Variants in STXBP5L observed in about 807,000 individuals in gnomAD.
STXBP5L encodes syntaxin-binding protein 5-like.
STXBP5L carries 65 observed loss-of-function variants against 144.5 expected under a neutral mutation model. The ratio of observed to expected loss-of-function variants is 0.45; its 90% CI spans 0.37 to 0.55. The LOEUF is 0.55. STXBP5L is among the 20% of genes least tolerant of loss of function. The pLI, the probability that STXBP5L is intolerant of heterozygous loss-of-function variation, is 0.00. For missense variants in STXBP5L, 1,298 were observed against 1,405.5 expected, an observed-to-expected ratio of 0.92 and a Z score of 1.22; for synonymous variants, 505 against 469.6, an observed-to-expected ratio of 1.08 and a Z score of -0.97.
At chr3:120,910,567 T>C (rs1708778217) in intron 2 of STXBP5L, among the ~76,000 whole-genome samples, 1 of 152,188 alleles carries the variant, frequency 6.6e-6, no homozygotes, top group Admixed American at 6.5e-5. Flanking sequence ...CAACAAAGGC[T>C]ACTAAGTTAT....
intron 19 of STXBP5L, among the ~76,000 whole-genome samples, chr3:121,295,504 TTAG>T (rs2051615149): frequency 6.6e-6 from 1 of 152,134 alleles, no homozygotes; most frequent in Non-Finnish European, 1.5e-5. Flanking sequence ...TGAATTGTAA[TTAG>T]TAGGAAAAAA....
chr3:120,929,391 GTGT>G (rs1709804827), intron 2 of STXBP5L, among the ~76,000 whole-genome samples: 1 of 152,050 alleles, frequency 6.6e-6, no homozygotes, highest in South Asian at 2.1e-4. Flanking sequence ...ATTTTGGTAT[GTGT>G]TATGGATCTT....
intron 2 of STXBP5L, among the ~76,000 whole-genome samples, chr3:120,926,211 A>T (rs1252629506): frequency 6.6e-6 from 1 of 151,896 alleles, no homozygotes; most frequent in Non-Finnish European, 1.5e-5. Context: ...TAAATTTTAG[A>T]TGGAAGAACT....
At chr3:121,319,930 C>T (rs2043914260) in intron 20 of STXBP5L, among the ~76,000 whole-genome samples, 1 of 151,924 alleles carries the variant, frequency 6.6e-6, no homozygotes, top group Non-Finnish European at 1.5e-5. Flanking sequence ...CCAGCCTGGG[C>T]AACATAGTGA....
intron 20 of STXBP5L, among the ~76,000 whole-genome samples, chr3:121,345,616 C>T (rs1356566969): frequency 6.6e-6 from 1 of 152,032 alleles, no homozygotes; most frequent in African/African-American, 2.4e-5. Flanking sequence ...CTAATTTACA[C>T]TCCCACAAAC....
intron 9 of STXBP5L, among the ~76,000 whole-genome samples, chr3:121,170,817 G>A (rs1422954309): frequency 3.3e-5 from 5 of 152,276 alleles, no homozygotes; most frequent in African/African-American, 9.6e-5. Flanking sequence ...TAGAAAAAGA[G>A]GGAATCCTCC....
chr3:120,954,775 G>T lies in STXBP5L; in HGVS notation c.190-165G>T, dbSNP rs1365350006. Among the ~76,000 whole-genome samples the T allele has an allele frequency of 3.3e-5, 5 of 152,010 alleles. No individual in the cohort carries two copies. In the East Asian group the frequency reaches 9.7e-4, roughly 29 times the overall value. On this transcript the variant is annotated intron_variant, in intron 2 of 26. Transcript: ENST00000471454. ...TTTGTATCATTTTACACTCCCATCA[G>T]CAATGTATGAGTTTAGGTTACTCCA...
chr3:121,093,638 T>G (rs985689233), intron 5 of STXBP5L, among the ~76,000 whole-genome samples: 1 of 152,210 alleles, frequency 6.6e-6, no homozygotes, highest in Non-Finnish European at 1.5e-5. Flanking sequence ...TCATTTTTTC[T>G]TGCTTCTATT....
chr3:121,351,533 G>C (rs1392766307), intron 20 of STXBP5L, among the ~76,000 whole-genome samples: 1 of 151,982 alleles, frequency 6.6e-6, no homozygotes, highest in Non-Finnish European at 1.5e-5. Flanking sequence ...TTTTTGATGG[G>C]GTTGTTTGTT....
chr3:121,341,590 A>G lies in STXBP5L; in HGVS notation c.2176+23050A>G, dbSNP rs369430580. 4.6e-5 allele frequency among the ~76,000 whole-genome samples: 7 copies of G among 152,298 alleles called. 1 individual carries two copies. Among genetic ancestry groups the G allele is most frequent in the African/African-American group, 1.4e-4 (6 of 41,570 alleles). On this transcript the variant is annotated intron_variant, in intron 20 of 26. Transcript: ENST00000471454. ...TCCCATATATTGCAGCACTATTCAC[A>G]GTAGCCAAGATTTGGAAGCAATTTA...
At chr3:121,275,127 C>T (rs563045053) in intron 18 of STXBP5L, among the ~76,000 whole-genome samples, 13 of 152,040 alleles carry the variant, frequency 8.6e-5, no homozygotes, top group Admixed American at 5.9e-4. Context: ...ATACCAATAC[C>T]GGCCTGTCTT....
At chr3:121,265,522 A>G (rs755261824) in intron 18 of STXBP5L, among the ~76,000 whole-genome samples, 3 of 152,218 alleles carry the variant, frequency 2.0e-5, no homozygotes, top group Non-Finnish European at 2.9e-5. Context: ...GAAAGCAGGA[A>G]AGATCTAAAA....
chr3:121,086,546 G>A (rs2042503394), intron 5 of STXBP5L, among the ~76,000 whole-genome samples: 1 of 152,040 alleles, frequency 6.6e-6, no homozygotes, highest in South Asian at 2.1e-4. Flanking sequence ...GTACAGGTTT[G>A]TAGCCTAGGA....
chr3:121,066,367 T>TATAC (rs1445678911), intron 5 of STXBP5L, among the ~76,000 whole-genome samples: 2 of 149,016 alleles, frequency 1.3e-5, no homozygotes, highest in African/African-American at 5.0e-5. Context: ...TAAGCGTATA[T>TATAC]ATATATATAT....
At chr3:121,014,149 AT>A (rs978822775) in intron 3 of STXBP5L, among the ~76,000 whole-genome samples, 41 of 151,416 alleles carry the variant, frequency 2.7e-4, no homozygotes, top group African/African-American at 8.5e-4. Context: ...GAATTTTAGA[AT>A]TTTTTTTTCT....
chr3:121,193,994 A>G (rs2047818163), intron 9 of STXBP5L, among the ~76,000 whole-genome samples: 1 of 152,014 alleles, frequency 6.6e-6, no homozygotes. Context: ...AATAATAAAA[A>G]GAAATTTTAG....
chr3:121,201,468 A>G (rs1271687539), intron 9 of STXBP5L, among the ~76,000 whole-genome samples: 1 of 152,030 alleles, frequency 6.6e-6, no homozygotes, highest in Non-Finnish European at 1.5e-5. Context: ...TCTTTATCCA[A>G]TTTATCTGTC....
At chr3:120,971,376 C>T (rs1222021869) in intron 3 of STXBP5L, among the ~76,000 whole-genome samples, 6 of 151,896 alleles carry the variant, frequency 4.0e-5, no homozygotes, top group Non-Finnish European at 5.9e-5. Context: ...CACCCGCACC[C>T]CCCCCAACTC....
intron 3 of STXBP5L, among the ~76,000 whole-genome samples, chr3:120,962,043 C>T (rs1270190762): frequency 6.6e-6 from 1 of 152,138 alleles, no homozygotes; most frequent in Non-Finnish European, 1.5e-5. Context: ...AGCATTTTTT[C>T]ATGTGTCTTT....
Sources: gnomAD v4.1 joint callset for allele counts (sites outside exome capture counted in the v4.1 genomes callset) on GRCh38, gnomAD v4.1.1 for gene constraint, MANE v1.5 for transcripts, NCBI Gene and HGNC (gene_info 2026-07-23, HGNC 2026-07-21) for gene names.